Variants in PNPT1 observed in about 807,000 individuals in gnomAD.
PNPT1 encodes polyribonucleotide nucleotidyltransferase 1, mitochondrial.
PNPT1 carries 53 observed loss-of-function variants against 119.5 expected under a neutral mutation model. That is an observed-to-expected ratio of 0.44 (90% CI 0.36 to 0.56). The LOEUF is 0.56. Ranked by LOEUF, PNPT1 falls within the 20% of genes least tolerant of loss-of-function variation. The pLI, the probability that PNPT1 is intolerant of heterozygous loss-of-function variation, is 0.00. For synonymous variants in PNPT1, 357 were observed against 322.1 expected (o/e 1.11, Z -1.16); for missense variants, 948 against 938.5 (o/e 1.01, Z -0.13).
chr2:55,663,004 CTGAG>C (rs1696626059), intron 13 of PNPT1, among the ~76,000 whole-genome samples: 1 of 152,094 alleles, frequency 6.6e-6, no homozygotes. Flanking sequence ...CCTCAGCCTC[CTGAG>C]TAAGTAGCTG....
intron 19 of PNPT1, 91 bp downstream of exon 19, chr2:55,647,256 G>C (rs781178217): frequency 7.3e-5 from 76 of 1,047,134 alleles, no homozygotes; most frequent in South Asian, 3.6e-4. Context: ...AGTACATATA[G>C]TCTTCACCAT....
rs72805497 is a variant in PNPT1, at chr2:55,648,026, G to C, written c.1496-573C>G. Among the ~76,000 whole-genome samples, 243 of 152,184 alleles carry C rather than the reference G, an allele frequency of 1.6e-3. 2 individuals are homozygous for C. The Middle Eastern group carries it at 0.024, about 15-fold the overall frequency. ...TTTATAACTTTTAAATTATCCGTTG[G>C]TTTGCTTTTTTGCTTCAGGTGTCTT... On this transcript the variant is annotated intron_variant, in intron 18 of 27. Transcript: ENST00000447944.
chr2:55,691,598 G>A (rs1007921480), intron 1 of PNPT1, among the ~76,000 whole-genome samples: 3 of 152,102 alleles, frequency 2.0e-5, no homozygotes, highest in African/African-American at 7.2e-5. Flanking sequence ...GGAAAATATG[G>A]AGGGCAGCAG....
Position 55,680,862 on chromosome 2 carries a change from A to C in PNPT1, c.510T>G (p.Ile170Met). Residue 170 changes from isoleucine to methionine, a missense_variant, in exon 6 of 28, where the codon ATT becomes ATG. Transcript: ENST00000447944. ...DGVNEPDVLA[I>M]NGASVALSLS... ...CTCTACTTTTATACTTACCGCCATT[A>C]ATTGCTAGGACATCAGGCTCATTTA... 6.2e-7 allele frequency: 1 copy of C among 1,613,938 alleles called. No individual in the cohort carries two copies. Among genetic ancestry groups the C allele is most frequent in the Non-Finnish European group, 8.5e-7 (1 of 1,179,842 alleles).
In PNPT1 at chr2:55,686,464, G is replaced by A. The variant is rs372649077; in HGVS notation, c.223-20C>T. 6.3e-5 allele frequency: 101 copies of A among 1,596,976 alleles called. No homozygotes were observed. Among genetic ancestry groups the A allele is most frequent in the South Asian group, 6.1e-4 (55 of 89,972 alleles). On this transcript the variant is annotated intron_variant, in intron 2 of 27. Coordinates refer to ENST00000447944, the MANE Select transcript of PNPT1 (RefSeq NM_033109.5). ...ACCTGACTTAAACATAAAGAACAAC[G>A]CTGGTAAGTTCCTTTGAAATCAGAT...
At chr2:55,647,846 G>T (rs1210624105) in intron 18 of PNPT1, among the ~76,000 whole-genome samples, 1 of 152,116 alleles carries the variant, frequency 6.6e-6, no homozygotes, top group East Asian at 1.9e-4. Flanking sequence ...AATGTAAGTG[G>T]ATATTGTTGC....
chr2:55,661,353 G>A (rs749621462), intron 14 of PNPT1, among the ~76,000 whole-genome samples: 6 of 152,024 alleles, frequency 3.9e-5, no homozygotes, highest in Non-Finnish European at 7.4e-5. Context: ...GGCCTCCCAA[G>A]TGCTGGGATT....
intron 1 of PNPT1, among the ~76,000 whole-genome samples, chr2:55,689,415 T>C (rs1228661990): frequency 6.6e-6 from 1 of 152,234 alleles, no homozygotes; most frequent in Non-Finnish European, 1.5e-5. Context: ...TGAATGTTCC[T>C]TGTAGCATTA....
intron 18 of PNPT1, among the ~76,000 whole-genome samples, chr2:55,650,976 C>T (rs1218172401): frequency 6.7e-6 from 1 of 148,186 alleles, no homozygotes; most frequent in Non-Finnish European, 1.5e-5. Context: ...GGCCAGCCGC[C>T]CCGTCCGGGA....
In PNPT1 at chr2:55,680,425, T is replaced by TA. The variant is rs35483599; in HGVS notation, c.565+286dup. 4.5e-4 allele frequency among the ~76,000 whole-genome samples: 59 copies of TA among 132,226 alleles called. No homozygotes were observed. The East Asian group carries it at 5.0e-3, about 11-fold the overall frequency. The allele number at this position is 132,226 out of a possible 152,430, so 86.7% of individuals were successfully genotyped here. ...GTATATACTCTGATAATTTCCCAGT[T>TA]AAAAAAAAAAAAAAAAAAGAAGTCC... On this transcript the variant is annotated intron_variant, in intron 7 of 27. Transcript: ENST00000447944.
chr2:55,662,578 G>A (rs1696611637), intron 13 of PNPT1, among the ~76,000 whole-genome samples: 1 of 152,166 alleles, frequency 6.6e-6, no homozygotes, highest in African/African-American at 2.4e-5. Flanking sequence ...GGGAGGCTGA[G>A]GCAGAAGAAT....
chr2:55,681,494 T>G (rs782617), intron 5 of PNPT1, among the ~76,000 whole-genome samples: 141,603 of 152,226 alleles, frequency 0.93, 66,402 homozygotes, highest in African/African-American at 0.96. Context: ...AAAGCACTTA[T>G]CACAGTCCTC....
chr2:55,656,385 AAACAC>A lies in PNPT1; in HGVS notation c.1285-19_1285-15del. On this transcript the variant is annotated splice_polypyrimidine_tract_variant and intron_variant, in intron 15 of 27. Transcript: ENST00000447944. The stretch of plus-strand genomic sequence containing the variant: ...ATAAGGAGGAAACTTAAAAAAAAAA[AAACAC>A]AAACACACATATACAATTGACATAG... The A allele has an allele frequency of 7.0e-6, 11 of 1,579,472 alleles. No homozygotes were observed. Among genetic ancestry groups the A allele is most frequent in the South Asian group, 1.2e-5 (1 of 85,434 alleles).
In PNPT1 at chr2:55,648,186, A is replaced by G. The variant is rs77970298; in HGVS notation, c.1496-733T>C. ...TCTGTGCACAAGTATAAATGTAAAT[A>G]TAATCTTTTGTTTTCTTTACTCGTG... On this transcript the variant is annotated intron_variant, in intron 18 of 27. Coordinates refer to ENST00000447944, the MANE Select transcript of PNPT1 (RefSeq NM_033109.5). Among the ~76,000 whole-genome samples, 106 of 152,334 alleles carry G rather than the reference A, an allele frequency of 7.0e-4. No individual in the cohort carries two copies. In the East Asian group the frequency reaches 0.018, roughly 25 times the overall value.
At chr2:55,649,153 A>T (rs1696093185) in intron 18 of PNPT1, among the ~76,000 whole-genome samples, 1 of 152,144 alleles carries the variant, frequency 6.6e-6, no homozygotes, top group South Asian at 2.1e-4. Context: ...TATATTCAAA[A>T]TTGAGCCAGG....
intron 27 of PNPT1, among the ~76,000 whole-genome samples, chr2:55,637,032 G>GT (rs1203797765): frequency 6.6e-6 from 1 of 152,182 alleles, no homozygotes; most frequent in Non-Finnish European, 1.5e-5. Flanking sequence ...GCGTATTAGC[G>GT]TAAGTGAAAG....
chr2:55,675,126 C>T (rs1440887720), intron 8 of PNPT1, among the ~76,000 whole-genome samples: 1 of 151,812 alleles, frequency 6.6e-6, no homozygotes, highest in African/African-American at 2.4e-5. Flanking sequence ...ATAAAAAACT[C>T]AGCTGCGGTG....
rs747318073 is a variant in PNPT1, at chr2:55,672,005, T to A, written c.908A>T (p.Glu303Val). Reference sequence around the variant, plus strand: ...CTCAGGTATACCTACTTTGTCATGCTCGTAATCTGTAAAAACTGCATAGAG... The same window carrying A: ...CTCAGGTATACCTACTTTGTCATGCACGTAATCTGTAAAAACTGCATAGAG... ...ERLYAVFTDY[E>V]HDKVSRDEAV... Residue 303 changes from glutamate to valine, a missense_variant, in exon 10 of 28, where the codon GAG becomes GTG. By Grantham distance (121) the Glu-to-Val change is moderately radical (BLOSUM62 -2). Coordinates refer to ENST00000447944, the MANE Select transcript of PNPT1 (RefSeq NM_033109.5). 6.2e-6 allele frequency: 10 copies of A among 1,602,334 alleles called. No individual in the cohort carries two copies. The highest frequency in any genetic ancestry group is 6.8e-6 in the Non-Finnish European group (8 of 1,174,716).
rs1056233472 is a variant in PNPT1, at chr2:55,679,626, G to A, written c.679+56C>T. 9.3e-6 allele frequency: 12 copies of A among 1,284,174 alleles called. No individual in the cohort carries two copies. The African/African-American group carries it at 1.5e-4, about 16-fold the overall frequency. The allele number at this position is 1,284,174 out of a possible 1,614,324, so 79.5% of individuals were successfully genotyped here. A position where few individuals can be genotyped will look rare whatever the true frequency, so the allele number is the denominator to read the frequency against. The stretch of plus-strand genomic sequence containing the variant: ...CACACAGAGTTTAAATTCAGTTTAA[G>A]AAGCCAGAACTTGTAAGTAAAATCC... On this transcript the variant is annotated intron_variant, in intron 8 of 27. Transcript: ENST00000447944.
Sources: gnomAD v4.1 joint callset for allele counts (sites outside exome capture counted in the v4.1 genomes callset) on GRCh38, gnomAD v4.1.1 for gene constraint, MANE v1.5 for transcripts, NCBI Gene and HGNC (gene_info 2026-07-23, HGNC 2026-07-21) for gene names.